ELFN1: variants seen among roughly 807,000 people sequenced by gnomAD.
The protein encoded by ELFN1 is extracellular leucine rich repeat and fibronectin type III domain containing 1.
Under a neutral mutation model 7.6 loss-of-function variants are expected in ELFN1, and 6 were observed. The observed-to-expected ratio is 0.79, with a 90% confidence interval of 0.43 to 1.56. The LOEUF (loss-of-function observed/expected upper bound fraction) is 1.56. Ranked by LOEUF, ELFN1 falls within the 40% of genes most tolerant of loss-of-function variation. The pLI is 0.01. For synonymous variants in ELFN1, 657 were observed against 588.1 expected (o/e 1.12, Z -1.70); for missense variants, 1,169 against 1,232.2 (o/e 0.95, Z 0.77).
chr7:1,686,079 G>A (rs1414784753), intron 1 of ELFN1, among the ~76,000 whole-genome samples: 1 of 150,344 alleles, frequency 6.7e-6, no homozygotes, highest in African/African-American at 2.4e-5. Flanking sequence ...TCTGAGTATG[G>A]GTCACCCTTT....
At chr7:1,674,878 T>C (rs73277094) in intron 1 of ELFN1, among the ~76,000 whole-genome samples, 1,661 of 152,186 alleles carry the variant, frequency 0.011, 34 homozygotes, top group African/African-American at 0.037. Flanking sequence ...AGCCCAGCCA[T>C]CACCAGGTCC....
Position 1,747,106 on chromosome 7 carries a change from C to T in ELFN1, c.*23C>T, listed in dbSNP as rs2128607731. On this transcript the variant is annotated 3_prime_UTR_variant, in exon 4 of 4. Transcript: ENST00000424383. ...TGAGCCCCCCAAGACCGGCGATGCCCACTGGACCAAAAAGGATGCAGGATC... is the reference window on the plus strand; with the variant it reads ...TGAGCCCCCCAAGACCGGCGATGCCTACTGGACCAAAAAGGATGCAGGATC... The T allele has an allele frequency of 6.9e-7, 1 of 1,446,602 alleles. No individual in the cohort carries two copies. Among genetic ancestry groups the T allele is most frequent in the East Asian group, 2.7e-5 (1 of 37,466 alleles). 89.6% of individuals were successfully genotyped at this position (1,446,602 alleles called of 1,614,324 possible). A position where few individuals can be genotyped will look rare whatever the true frequency, so the allele number is the denominator to read the frequency against.
intron 1 of ELFN1, among the ~76,000 whole-genome samples, chr7:1,679,585 G>GA (rs748606813): frequency 4.6e-5 from 7 of 152,320 alleles, no homozygotes; most frequent in African/African-American, 1.2e-4. Flanking sequence ...CTCTCCCGGG[G>GA]AGGATGTGGG....
chr7:1,741,113 G>C (rs1281302836), intron 3 of ELFN1, among the ~76,000 whole-genome samples: 2 of 134,586 alleles, frequency 1.5e-5, no homozygotes, highest in Non-Finnish European at 1.5e-5. Context: ...CTGGGTGACA[G>C]AGCAAGACTC....
At position 1,747,294 on chromosome 7, in the gene ELFN1, G is replaced by A; in HGVS notation, c.*211G>A. ...TGGGATGCGCTTGTCGCCCCGGGTG[G>A]CACGTGTCCACACACACACACACAC... On this transcript the variant is annotated 3_prime_UTR_variant, in exon 4 of 4. Transcript: ENST00000424383. 2.5e-6 allele frequency: 1 copy of A among 393,494 alleles called. No homozygotes were observed. The allele number at this position is 393,494 out of a possible 1,614,324, so 24.4% of individuals were successfully genotyped here. A position where few individuals can be genotyped will look rare whatever the true frequency, so the allele number is the denominator to read the frequency against.
chr7:1,742,483 G>C (rs980165061), intron 3 of ELFN1, among the ~76,000 whole-genome samples: 1 of 152,248 alleles, frequency 6.6e-6, no homozygotes, highest in African/African-American at 2.4e-5. Flanking sequence ...GGGAGGGATG[G>C]AGGGGCTGGC....
At chr7:1,736,999 C>T (rs1780466873) in intron 3 of ELFN1, among the ~76,000 whole-genome samples, 1 of 152,260 alleles carries the variant, frequency 6.6e-6, no homozygotes. Context: ...CCACCTGCCC[C>T]CAGCTACCCC....
At chr7:1,702,454 T>C (rs1248717711) in intron 2 of ELFN1, among the ~76,000 whole-genome samples, 1 of 150,536 alleles carries the variant, frequency 6.6e-6, no homozygotes, top group Non-Finnish European at 1.5e-5. Flanking sequence ...AGACCCTCCC[T>C]CACTCCACCT....
intron 1 of ELFN1, among the ~76,000 whole-genome samples, chr7:1,682,566 A>G (rs934886046): frequency 6.6e-6 from 1 of 151,538 alleles, no homozygotes; most frequent in African/African-American, 2.4e-5. Context: ...ACAGCCTCCC[A>G]AGTGTTTGGG....
intron 3 of ELFN1, among the ~76,000 whole-genome samples, chr7:1,734,690 A>T (rs1780398909): frequency 6.7e-6 from 1 of 148,854 alleles, no homozygotes; most frequent in Non-Finnish European, 1.5e-5. Flanking sequence ...AGGAATCTGC[A>T]TTTTCACTTT....
At chr7:1,733,522 A>G (rs1048411332) in intron 3 of ELFN1, among the ~76,000 whole-genome samples, 4 of 152,072 alleles carry the variant, frequency 2.6e-5, no homozygotes, top group Non-Finnish European at 4.4e-5. Context: ...GACAGGAGAT[A>G]GCACCCCTTC....
intron 3 of ELFN1, among the ~76,000 whole-genome samples, chr7:1,712,964 G>A (rs779646464): frequency 3.0e-4 from 45 of 152,166 alleles, no homozygotes; most frequent in Non-Finnish European, 5.9e-4. Context: ...ATACTCATTC[G>A]ACCACCCTGG....
At chr7:1,737,019 A>C (rs914874818) in intron 3 of ELFN1, among the ~76,000 whole-genome samples, 1 of 148,264 alleles carries the variant, frequency 6.7e-6, no homozygotes, top group Non-Finnish European at 1.5e-5. Context: ...CTGCAGCCCC[A>C]CCTCCCGCCC....
chr7:1,741,699 T>C (rs1217983547), intron 3 of ELFN1, among the ~76,000 whole-genome samples: 1 of 152,096 alleles, frequency 6.6e-6, no homozygotes, highest in Non-Finnish European at 1.5e-5. Flanking sequence ...TAGAGCGTGT[T>C]TCCTGCATGC....
upstream of ELFN1, among the ~76,000 whole-genome samples, chr7:1,666,516 TC>T (rs1778673620): frequency 6.6e-6 from 1 of 150,798 alleles, no homozygotes; most frequent in Non-Finnish European, 1.5e-5. The surrounding 1 kb of genome is among the most constrained non-coding windows in gnomAD (Gnocchi z 7.9). Flanking sequence ...CGGACAAACT[TC>T]CCTCCCCGAC....
rs996211842 is a variant in ELFN1, at chr7:1,744,463, G to T, written c.-134G>T. The T allele has an allele frequency of 1.0e-5, 11 of 1,099,310 alleles. No homozygotes were observed. The South Asian group carries it at 1.7e-4, about 17-fold the overall frequency. 68.1% of individuals were successfully genotyped at this position (1,099,310 alleles called of 1,614,324 possible). A position where few individuals can be genotyped will look rare whatever the true frequency, so the allele number is the denominator to read the frequency against. ...CGCGCTTACGTCGCGCGGCCATGCG[G>T]TTTGGGACAGGACACCCCTGAGAGT... On this transcript the variant is annotated 5_prime_UTR_variant, in exon 4 of 4. Coordinates refer to ENST00000424383, the MANE Select transcript of ELFN1 (RefSeq NM_001128636.4).
intron 3 of ELFN1, among the ~76,000 whole-genome samples, chr7:1,713,603 T>C (rs1395588080): frequency 1.3e-5 from 2 of 152,136 alleles, no homozygotes; most frequent in African/African-American, 4.8e-5. Flanking sequence ...TTGGCTGGAC[T>C]CCTTCAGCAC....
At chr7:1,693,513 C>T (rs144698858) in intron 2 of ELFN1, 21 of 471,202 alleles carry the variant, frequency 4.5e-5, no homozygotes, top group Middle Eastern at 3.2e-4. Flanking sequence ...TGGTGTGGGG[C>T]GTGACCCACT....
At chr7:1,691,411 G>A (rs1175813086) in intron 2 of ELFN1, among the ~76,000 whole-genome samples, 1 of 152,210 alleles carries the variant, frequency 6.6e-6, no homozygotes, top group Non-Finnish European at 1.5e-5. Context: ...AGCACCAGCT[G>A]TTTTTGGCAC....
Sources: allele counts gnomAD v4.1 joint callset (sites outside exome capture counted in the v4.1 genomes callset), GRCh38; gene constraint gnomAD v4.1.1; non-coding constraint Gnocchi (gnomAD v3.1); transcripts MANE v1.5; gene names NCBI Gene and HGNC (gene_info 2026-07-23, HGNC 2026-07-21).